Variants in RIMS2 observed in about 807,000 individuals in gnomAD.
RIMS2 encodes the protein regulating synaptic membrane exocytosis 2.
RIMS2 carries 59 observed loss-of-function variants against 174.4 expected under a neutral mutation model. The ratio of observed to expected loss-of-function variants is 0.34; its 90% CI spans 0.27 to 0.42. The LOEUF is 0.42. RIMS2 is among the 10% of genes least tolerant of loss of function. The pLI, the probability that RIMS2 is intolerant of heterozygous loss-of-function variation, is 1.00. For missense variants in RIMS2, 1,620 were observed against 1,666.3 expected, an observed-to-expected ratio of 0.97 and a Z score of 0.48; for synonymous variants, 606 against 572.5, an observed-to-expected ratio of 1.06 and a Z score of -0.84.
At position 104,041,312 on chromosome 8, in the gene RIMS2, C is replaced by A; in HGVS notation, c.3334+26697C>A. 1 of 694,042 alleles carries A rather than the reference C, an allele frequency of 1.4e-6. No homozygotes were observed. Among genetic ancestry groups the A allele is most frequent in the Non-Finnish European group, 2.6e-6 (1 of 377,624 alleles). The allele number at this position is 694,042 out of a possible 1,614,324, so 43.0% of individuals were successfully genotyped here. A position where few individuals can be genotyped will look rare whatever the true frequency, so the allele number is the denominator to read the frequency against. On this transcript the variant is annotated intron_variant, in intron 19 of 23. Coordinates refer to ENST00000504942, the Ensembl canonical transcript of RIMS2. Reference sequence around the variant, plus strand: ...CCTTTGTCTATGTCTGTCCATTACACGATGTGATCACAGAAGAACTGGACT... The same window carrying A: ...CCTTTGTCTATGTCTGTCCATTACAAGATGTGATCACAGAAGAACTGGACT...
chr8:104,204,374 G>A (rs981039634), intron 19 of RIMS2, among the ~76,000 whole-genome samples: 7 of 151,876 alleles, frequency 4.6e-5, no homozygotes, highest in African/African-American at 1.7e-4. Flanking sequence ...ACTTGAGATG[G>A]CTGCTTTGCC....
chr8:103,786,044 T>A (rs2154436068), intron 3 of RIMS2, among the ~76,000 whole-genome samples: 1 of 152,340 alleles, frequency 6.6e-6, no homozygotes, highest in East Asian at 1.9e-4. Flanking sequence ...CTAGATTTTC[T>A]AGTTTATTTG....
downstream of RIMS2, chr8:104,255,908 C>T (rs1442329278): frequency 6.6e-6 from 1 of 152,216 alleles, no homozygotes; most frequent in Non-Finnish European, 1.5e-5. Context: ...TATGCCCTGA[C>T]TCAGGTCACT....
chr8:104,035,887 T>C (rs1293782782), intron 19 of RIMS2, among the ~76,000 whole-genome samples: 1 of 152,042 alleles, frequency 6.6e-6, no homozygotes, highest in Non-Finnish European at 1.5e-5. Flanking sequence ...AAACAAATGT[T>C]TTATATGACA....
intron 1 of RIMS2, among the ~76,000 whole-genome samples, chr8:103,538,674 G>A (rs539191010): frequency 1.3e-5 from 2 of 152,028 alleles, no homozygotes; most frequent in African/African-American, 4.8e-5. Context: ...CCACCACCAC[G>A]CCTGGCTAAT....
intron 19 of RIMS2, among the ~76,000 whole-genome samples, chr8:104,218,384 C>G (rs530691783): frequency 3.3e-5 from 5 of 152,228 alleles, no homozygotes; most frequent in East Asian, 3.9e-4. Flanking sequence ...TTCTCCTCAT[C>G]ATCAGCTACG....
chr8:103,660,072 G>C (rs1372429409), intron 1 of RIMS2, among the ~76,000 whole-genome samples: 2 of 152,184 alleles, frequency 1.3e-5, no homozygotes, highest in Non-Finnish European at 2.9e-5. Flanking sequence ...GGGCTCCATA[G>C]GTGCCCTGGG....
chr8:103,696,913 A>G (rs1359891299), intron 1 of RIMS2, among the ~76,000 whole-genome samples, 173 bp from the exon 4 acceptor site: 1 of 150,324 alleles, frequency 6.7e-6, no homozygotes, highest in Non-Finnish European at 1.5e-5. Context: ...CAATACTTTT[A>G]CAAATAATGT....
intron 21 of RIMS2, 26 bp from the exon 28 acceptor site, chr8:104,249,461 C>T (rs1284104360): frequency 5.5e-6 from 7 of 1,281,830 alleles, no homozygotes; most frequent in South Asian, 4.8e-5. Flanking sequence ...TATTAAAGCA[C>T]ATTTGTTCCT....
At chr8:103,833,093 C>G (rs1171503449) in intron 3 of RIMS2, among the ~76,000 whole-genome samples, 12 of 152,080 alleles carry the variant, frequency 7.9e-5, no homozygotes, top group Non-Finnish European at 2.9e-5. Context: ...AGTCTTCATT[C>G]TTTGTGAATA....
chr8:103,640,061 T>C (rs1290537639), intron 1 of RIMS2, among the ~76,000 whole-genome samples: 2 of 151,914 alleles, frequency 1.3e-5, no homozygotes, highest in African/African-American at 4.8e-5. Flanking sequence ...TATGTATTTG[T>C]TTGGTTTATG....
chr8:103,959,289 T>C (rs2088897803), intron 14 of RIMS2, among the ~76,000 whole-genome samples: 1 of 152,168 alleles, frequency 6.6e-6, no homozygotes, highest in Admixed American at 6.5e-5. Context: ...CAAATGTATA[T>C]GGATTATTAT....
At chr8:103,740,687 A>C (rs1375088501) in intron 2 of RIMS2, among the ~76,000 whole-genome samples, 1 of 152,172 alleles carries the variant, frequency 6.6e-6, no homozygotes, top group Non-Finnish European at 1.5e-5. Context: ...TTGTATGTTT[A>C]AGTGGTTGCA....
chr8:103,768,662 C>A, intron 3 of RIMS2: 1 of 818,150 alleles, frequency 1.2e-6, no homozygotes, highest in East Asian at 2.4e-5. Context: ...ACTGATACTA[C>A]GATGCCTCAT....
At chr8:103,779,509 T>C (rs2098360408) in intron 3 of RIMS2, among the ~76,000 whole-genome samples, 1 of 152,074 alleles carries the variant, frequency 6.6e-6, no homozygotes, top group Non-Finnish European at 1.5e-5. Context: ...GACTATCCTT[T>C]CACCCTATGA....
chr8:103,870,918 A>G (rs16870788), intron 3 of RIMS2, among the ~76,000 whole-genome samples: 20,722 of 152,198 alleles, frequency 0.14, 1,631 homozygotes, highest in Middle Eastern at 0.24. Flanking sequence ...TTTTGTCTAC[A>G]GGATAAAAGT....
chr8:103,763,813 A>G (rs987277382), intron 2 of RIMS2, among the ~76,000 whole-genome samples: 1 of 152,206 alleles, frequency 6.6e-6, no homozygotes, highest in Non-Finnish European at 1.5e-5. Context: ...CCACAGAAAC[A>G]ATACTACTTG....
intron 3 of RIMS2, among the ~76,000 whole-genome samples, chr8:103,820,312 G>A (rs1330766962): frequency 6.6e-6 from 1 of 151,954 alleles, no homozygotes; most frequent in East Asian, 1.9e-4. Context: ...TTATCATCCA[G>A]TTCTTTCCTC....
At chr8:103,816,802 G>T (rs993866050) in intron 3 of RIMS2, among the ~76,000 whole-genome samples, 1 of 152,154 alleles carries the variant, frequency 6.6e-6, no homozygotes, top group South Asian at 2.1e-4. Context: ...TCTTTCAAAT[G>T]AGTCATTTTT....
Sources: allele counts gnomAD v4.1 joint callset (sites outside exome capture counted in the v4.1 genomes callset), GRCh38; gene constraint gnomAD v4.1.1; transcripts MANE v1.5; gene names NCBI Gene and HGNC (gene_info 2026-07-23, HGNC 2026-07-21).